The following CYFIP1 variants were observed in gnomAD, a reference collection of about 807,000 sequenced individuals.
CYFIP1 encodes the protein cytoplasmic FMR1-interacting protein 1.
In CYFIP1, 58 loss-of-function variants were observed where a neutral mutation model predicts 163.5. That is an observed-to-expected ratio of 0.35 (90% CI 0.29 to 0.44). The LOEUF (loss-of-function observed/expected upper bound fraction) is 0.44. Ranked by LOEUF, CYFIP1 falls within the 20% of genes least tolerant of loss-of-function variation. The pLI, the probability that CYFIP1 is intolerant of heterozygous loss-of-function variation, is 1.00. For missense variants in CYFIP1, 1,338 were observed against 1,653.8 expected (o/e 0.81, Z 3.31); for synonymous variants, 663 against 660.7 (o/e 1.00, Z -0.05).
At chr15:22,931,022 A>AAGC (rs2061519361) in intron 11 of CYFIP1, among the ~76,000 whole-genome samples, 1 of 152,084 alleles carries the variant, frequency 6.6e-6, no homozygotes. Context: ...TCTGTGTTAG[A>AAGC]AGCAGCAGGT....
In CYFIP1 at chr15:22,917,618, C is replaced by T. The variant is rs1016522331; in HGVS notation, c.1674+170G>A. 2 of 821,180 alleles carry T rather than the reference C, an allele frequency of 2.4e-6. No homozygotes were observed. Among genetic ancestry groups the T allele is most frequent in the Admixed American group, 3.4e-5 (1 of 29,686 alleles). The allele number at this position is 821,180 out of a possible 1,614,324, so 50.9% of individuals were successfully genotyped here. A position where few individuals can be genotyped will look rare whatever the true frequency, so the allele number is the denominator to read the frequency against. ...AAGGCACGTCTCCTCACGCTCCCAA[C>T]TCACTTGGGTGGGAAACAGAGGAGC... On this transcript the variant is annotated intron_variant, in intron 15 of 30. Coordinates refer to ENST00000617928, the MANE Select transcript of CYFIP1 (RefSeq NM_014608.6). This position sits in a 1 kb window ranked among gnomAD's most constrained non-coding sequence, Gnocchi z 4.2.
At chr15:22,977,977 T>G (rs2063333290) in intron 1 of CYFIP1, among the ~76,000 whole-genome samples, 1 of 152,130 alleles carries the variant, frequency 6.6e-6, no homozygotes, top group South Asian at 2.1e-4. Context: ...GCATTGACTG[T>G]AGTGGTGAAA....
At chr15:22,931,685 TGAAAAA>T (rs2061539424) in intron 11 of CYFIP1, among the ~76,000 whole-genome samples, 1 of 30,702 alleles carries the variant, frequency 3.3e-5, no homozygotes, top group African/African-American at 2.3e-4. Flanking sequence ...AATGTTTTTC[TGAAAAA>T]AAAAAAAAAA....
At chr15:22,953,049 C>G (rs974967470) in intron 1 of CYFIP1, among the ~76,000 whole-genome samples, 42 of 152,264 alleles carry the variant, frequency 2.8e-4, no homozygotes, top group Non-Finnish European at 5.4e-4. Flanking sequence ...CGCACGCACA[C>G]GGCCTGGGCC....
intron 8 of CYFIP1, among the ~76,000 whole-genome samples, chr15:22,937,529 T>C (rs2061749369): frequency 6.6e-6 from 1 of 152,046 alleles, no homozygotes; most frequent in Non-Finnish European, 1.5e-5. Flanking sequence ...TTTTTGCCAT[T>C]AAAAGTAATG....
At chr15:22,943,976 C>A (rs2076454370) in intron 5 of CYFIP1, among the ~76,000 whole-genome samples, 1 of 152,114 alleles carries the variant, frequency 6.6e-6, no homozygotes, top group Non-Finnish European at 1.5e-5. Flanking sequence ...TGGTGGCTCA[C>A]ACCTGTAATC....
At position 22,914,771 on chromosome 15, in the gene CYFIP1, A is replaced by T. The variant is rs1396368644; in HGVS notation, c.1940T>A (p.Ile647Asn). The T allele has an allele frequency of 6.2e-7, 1 of 1,613,810 alleles. No individual in the cohort carries two copies. The highest frequency in any genetic ancestry group is 8.5e-7 in the Non-Finnish European group (1 of 1,179,884). ...GGTCTCCAGGATGTGGTCCGTCAGGATCCAGGGCATCGACATCTCAATGGG... is the reference window on the plus strand; with the variant it reads ...GGTCTCCAGGATGTGGTCCGTCAGGTTCCAGGGCATCGACATCTCAATGGG... The part of the protein sequence containing the change: ...QFPIEMSMPW[I>N]LTDHILETKE... The change falls in exon 17 of 31, where the codon ATC becomes AAC. Residue 647 changes from isoleucine to asparagine, a missense_variant. Physicochemically the swap from Ile to Asn is moderately radical, Grantham distance 149 (BLOSUM62 -3). This residue lies in a region of CYFIP1 where 824 missense variants were observed against 995.7 expected (regional missense o/e 0.83). Transcript: ENST00000617928.
At chr15:22,877,695 G>C (rs1463630492) in intron 26 of CYFIP1, among the ~76,000 whole-genome samples, 1 of 152,208 alleles carries the variant, frequency 6.6e-6, no homozygotes, top group African/African-American at 2.4e-5. Flanking sequence ...ACAGTGGTGA[G>C]GGGAGCATGG....
intron 13 of CYFIP1, among the ~76,000 whole-genome samples, chr15:22,923,147 T>A (rs1734314800): frequency 6.6e-6 from 1 of 152,070 alleles, no homozygotes. Flanking sequence ...ACACTTTGTG[T>A]CTCAAAAGAC....
intron 9 of CYFIP1, among the ~76,000 whole-genome samples, chr15:22,935,078 G>T (rs2061672226): frequency 6.6e-6 from 1 of 152,112 alleles, no homozygotes; most frequent in African/African-American, 2.4e-5. Context: ...AAATGGTTTT[G>T]GGGGGATAGT....
chr15:22,874,676 G>C lies in CYFIP1; in HGVS notation c.3116-32C>G, dbSNP rs758184985. The C allele has an allele frequency of 2.0e-6, 3 of 1,474,390 alleles. No homozygotes were observed. In the African/African-American group the frequency reaches 4.3e-5, roughly 21 times the overall value. 91.3% of individuals were successfully genotyped at this position (1,474,390 alleles called of 1,614,324 possible). ...TAGAAAAAATATTTTACTATATTCTGCTCCTTTGTATGAAACGGTAATTGC... is the reference window on the plus strand; with the variant it reads ...TAGAAAAAATATTTTACTATATTCTCCTCCTTTGTATGAAACGGTAATTGC... On this transcript the variant is annotated intron_variant, in intron 27 of 30. Coordinates refer to ENST00000617928, the MANE Select transcript of CYFIP1 (RefSeq NM_014608.6).
intron 22 of CYFIP1, among the ~76,000 whole-genome samples, chr15:22,895,878 C>T (rs1595539374): frequency 6.6e-6 from 1 of 152,194 alleles, no homozygotes; most frequent in Admixed American, 6.5e-5. Flanking sequence ...CCTCAGAGCT[C>T]GGAGGGTGAT....
At chr15:22,980,069 G>A (rs978027866) in intron 1 of CYFIP1, among the ~76,000 whole-genome samples, 1 of 151,464 alleles carries the variant, frequency 6.6e-6, no homozygotes, top group Non-Finnish European at 1.5e-5. Flanking sequence ...CGGGGACCTG[G>A]AGCCCGGGAG....
At chr15:22,913,646 T>C (rs1179638436) in intron 17 of CYFIP1, among the ~76,000 whole-genome samples, 1 of 133,668 alleles carries the variant, frequency 7.5e-6, no homozygotes, top group East Asian at 2.4e-4. Flanking sequence ...GTGAAGGTCC[T>C]GGATCCCACA....
intron 1 of CYFIP1, among the ~76,000 whole-genome samples, chr15:22,968,165 C>T (rs746058648): frequency 1.1e-4 from 17 of 151,962 alleles, no homozygotes; most frequent in South Asian, 4.2e-4. Flanking sequence ...AAAAATAAAA[C>T]GCAAATTATT....
intron 1 of CYFIP1, among the ~76,000 whole-genome samples, chr15:22,949,759 G>T (rs2062187526): frequency 6.6e-6 from 1 of 152,078 alleles, no homozygotes; most frequent in Admixed American, 6.6e-5. Flanking sequence ...TGTCCCACTA[G>T]AAGTAGTAAA....
At position 22,917,609 on chromosome 15, in the gene CYFIP1, C is replaced by T. The variant is rs1238111144; in HGVS notation, c.1674+179G>A. The stretch of plus-strand genomic sequence containing the variant: ...CTGACAATCAAGGCACGTCTCCTCA[C>T]GCTCCCAACTCACTTGGGTGGGAAA... On this transcript the variant is annotated intron_variant, in intron 15 of 30. Coordinates refer to ENST00000617928, the MANE Select transcript of CYFIP1 (RefSeq NM_014608.6). The surrounding 1 kb of genome is among the most constrained non-coding windows in gnomAD (Gnocchi z 4.2). The T allele has an allele frequency of 4.3e-5, 32 of 749,896 alleles. No individual in the cohort carries two copies. The East Asian group carries it at 5.1e-4, about 12-fold the overall frequency. The allele number at this position is 749,896 out of a possible 1,614,324, so 46.5% of individuals were successfully genotyped here. A position where few individuals can be genotyped will look rare whatever the true frequency, so the allele number is the denominator to read the frequency against.
rs1053809281 is a variant in CYFIP1, at chr15:22,903,801, G to A, written c.2493C>T (p.Asn831=). The stretch of plus-strand genomic sequence containing the variant: ...TGATCCTCCCGTAGGGCGCTGACAC[G>A]TTGTGGTTGGCCTCCCGGAACATGG... ...FDAMFREANH[N]VSAPYGRITL... is the part of the protein sequence containing the mutation. The change falls in exon 22 of 31, where the codon AAC becomes AAT. Residue 831 remains asparagine, a synonymous_variant. Coordinates refer to ENST00000617928, the MANE Select transcript of CYFIP1 (RefSeq NM_014608.6). 8.7e-6 allele frequency: 14 copies of A among 1,614,206 alleles called. No individual in the cohort carries two copies. The highest frequency in any genetic ancestry group is 1.6e-4 in the Middle Eastern group (1 of 6,062).
At chr15:22,977,596 C>T (rs2063322196) in intron 1 of CYFIP1, among the ~76,000 whole-genome samples, 2 of 151,960 alleles carry the variant, frequency 1.3e-5, no homozygotes, top group South Asian at 2.1e-4. Context: ...GTTGGGAGGC[C>T]GAGGTGGGTG....
Sources: gnomAD v4.1 joint callset for allele counts (sites outside exome capture counted in the v4.1 genomes callset) on GRCh38, gnomAD v4.1.1 for gene constraint, gnomAD v4.1.1 regional missense constraint, Gnocchi (gnomAD v3.1) non-coding constraint, MANE v1.5 for transcripts, NCBI Gene and HGNC (gene_info 2026-07-23, HGNC 2026-07-21) for gene names.